The following MARCHF3 variants were observed in gnomAD, a reference collection of about 807,000 sequenced individuals.
The protein encoded by MARCHF3 is membrane associated ring-CH-type finger 3.
A neutral mutation model predicts 24.2 loss-of-function variants in MARCHF3; 13 were observed. That is an observed-to-expected ratio of 0.54 (90% CI 0.35 to 0.85). MARCHF3 has a LOEUF of 0.85. Among genes scored for constraint, MARCHF3 ranks in the 40% least tolerant of loss-of-function variants. The pLI is 0.01. For missense variants in MARCHF3, 276 were observed against 325.0 expected (o/e 0.85, Z 1.16); for synonymous variants, 144 against 137.3 (o/e 1.05, Z -0.34).
Position 127,030,377 on chromosome 5 carries a change from C to T in MARCHF3, c.-84G>A, listed in dbSNP as rs1035150112. Reference sequence around the variant, plus strand: ...TCCTCGCCGAGTCCCGATAGCAAACCGACGTCCCTGCTGCGGTTCTAAGTG... The same window carrying T: ...TCCTCGCCGAGTCCCGATAGCAAACTGACGTCCCTGCTGCGGTTCTAAGTG... On this transcript the variant is annotated 5_prime_UTR_variant, in exon 1 of 5. Coordinates refer to ENST00000308660, the MANE Select transcript of MARCHF3 (RefSeq NM_178450.5). 3 of 152,240 alleles carry T rather than the reference C, an allele frequency of 2.0e-5. No homozygotes were observed. The highest frequency in any genetic ancestry group is 4.4e-5 in the Non-Finnish European group (3 of 68,072). 9.4% of individuals were successfully genotyped at this position (152,240 alleles called of 1,614,324 possible). A position where few individuals can be genotyped will look rare whatever the true frequency, so the allele number is the denominator to read the frequency against.
chr5:127,010,651 C>T (rs934385527), intron 1 of MARCHF3, among the ~76,000 whole-genome samples: 11 of 152,194 alleles, frequency 7.2e-5, no homozygotes, highest in African/African-American at 2.4e-4. Context: ...AAAATCTATG[C>T]TCTGTATTTA....
At position 126,870,083 on chromosome 5, in the gene MARCHF3, C is replaced by G. The variant is rs1225594005; in HGVS notation, c.*550G>C. On this transcript the variant is annotated 3_prime_UTR_variant, in exon 5 of 5. Coordinates refer to ENST00000308660, the MANE Select transcript of MARCHF3 (RefSeq NM_178450.5). ...TCTTCAAATATGACTTGTTCTGCAT[C>G]TGTTATGCTGTCTCCTTGAGTAATG... The G allele has an allele frequency of 1.3e-5, 2 of 152,502 alleles. No individual in the cohort carries two copies. Among genetic ancestry groups the G allele is most frequent in the Non-Finnish European group, 2.9e-5 (2 of 68,030 alleles). 9.4% of individuals were successfully genotyped at this position (152,502 alleles called of 1,614,324 possible).
intron 1 of MARCHF3, among the ~76,000 whole-genome samples, chr5:126,968,600 G>A (rs770009474): frequency 6.6e-6 from 1 of 152,186 alleles, no homozygotes; most frequent in Non-Finnish European, 1.5e-5. Context: ...TTTTGAGGCA[G>A]AGTCTCGCTC....
intron 1 of MARCHF3, among the ~76,000 whole-genome samples, chr5:126,962,441 T>C (rs537909113): frequency 1.3e-5 from 2 of 152,074 alleles, no homozygotes; most frequent in African/African-American, 4.8e-5. Context: ...TGTGTGTGTT[T>C]ACATATATTT....
At chr5:126,880,457 C>T (rs1753307376) in intron 3 of MARCHF3, among the ~76,000 whole-genome samples, 1 of 152,166 alleles carries the variant, frequency 6.6e-6, no homozygotes, top group African/African-American at 2.4e-5. Flanking sequence ...TGTCATGCCA[C>T]CTCAGACATC....
intron 1 of MARCHF3, among the ~76,000 whole-genome samples, chr5:126,982,299 T>C (rs2126836800): frequency 6.6e-6 from 1 of 152,286 alleles, no homozygotes; most frequent in Middle Eastern, 3.4e-3. Context: ...GCTCCCATCT[T>C]CCCTATACCA....
At position 126,945,858 on chromosome 5, in the gene MARCHF3, T is replaced by C. The variant is rs569319615; in HGVS notation, c.-56-27631A>G. Reference sequence around the variant, plus strand: ...GATGGTTGTGAAGCTATAACTGAAGTGCTTAGCACAATGTTTGGCTCATCA... The same window carrying C: ...GATGGTTGTGAAGCTATAACTGAAGCGCTTAGCACAATGTTTGGCTCATCA... On this transcript the variant is annotated intron_variant, in intron 1 of 4. Transcript: ENST00000308660. Among the ~76,000 whole-genome samples the C allele has an allele frequency of 3.3e-5, 5 of 152,308 alleles. No homozygotes were observed. In the East Asian group the frequency reaches 9.6e-4, roughly 29 times the overall value.
rs1468833125 is a variant in MARCHF3 at position 126,888,325 on chromosome 5, C to T, written c.394-9931G>A. On this transcript the variant is annotated intron_variant, in intron 3 of 4. Coordinates refer to ENST00000308660, the MANE Select transcript of MARCHF3 (RefSeq NM_178450.5). ...GGACTTAGGCCAATAAGCCAATTAA[C>T]GGGCTATAATGCTCCATAAATACTA... Among the ~76,000 whole-genome samples the T allele has an allele frequency of 5.3e-5, 8 of 152,146 alleles. No individual in the cohort carries two copies. The South Asian group carries it at 8.3e-4, about 16-fold the overall frequency.
At chr5:126,968,922 A>T (rs1013540462) in intron 1 of MARCHF3, among the ~76,000 whole-genome samples, 3 of 152,154 alleles carry the variant, frequency 2.0e-5, no homozygotes, top group Non-Finnish European at 2.9e-5. Flanking sequence ...TTTTCAGATA[A>T]GTGATATGCA....
intron 1 of MARCHF3, among the ~76,000 whole-genome samples, chr5:127,023,181 G>A (rs533984367): frequency 1.2e-4 from 18 of 152,124 alleles, no homozygotes; most frequent in Non-Finnish European, 2.4e-4. Flanking sequence ...CAGTATACAC[G>A]AGGGACTGGT....
At chr5:127,009,321 G>GA (rs1183771571) in intron 1 of MARCHF3, among the ~76,000 whole-genome samples, 1 of 152,064 alleles carries the variant, frequency 6.6e-6, no homozygotes, top group African/African-American at 2.4e-5. Flanking sequence ...TATTTCTTCA[G>GA]AAAAAAGATT....
At chr5:126,955,183 G>C (rs1004511923) in intron 1 of MARCHF3, among the ~76,000 whole-genome samples, 1 of 152,162 alleles carries the variant, frequency 6.6e-6, no homozygotes, top group Non-Finnish European at 1.5e-5. Flanking sequence ...AATGTTCCAA[G>C]AAATGTTCCG....
chr5:126,924,245 T>C (rs1335102784), intron 1 of MARCHF3, among the ~76,000 whole-genome samples: 1 of 152,222 alleles, frequency 6.6e-6, no homozygotes, highest in Non-Finnish European at 1.5e-5. Context: ...GCGTCATTAA[T>C]GCTGGTCCAG....
chr5:126,910,111 T>A (rs1159831628), intron 3 of MARCHF3, among the ~76,000 whole-genome samples: 2 of 152,202 alleles, frequency 1.3e-5, no homozygotes, highest in Non-Finnish European at 1.5e-5. Flanking sequence ...TGTGGCTCCC[T>A]GATTAGAGGA....
chr5:127,008,219 C>T (rs577220035), intron 1 of MARCHF3, among the ~76,000 whole-genome samples: 4 of 152,252 alleles, frequency 2.6e-5, no homozygotes, highest in East Asian at 3.9e-4. Context: ...TCTCTAGTGA[C>T]GTTTCCAACT....
At chr5:126,879,083 T>C (rs1213294520) in intron 3 of MARCHF3, among the ~76,000 whole-genome samples, 1 of 152,190 alleles carries the variant, frequency 6.6e-6, no homozygotes, top group African/African-American at 2.4e-5. Flanking sequence ...AAATCCTGAA[T>C]ACTAAAGCTC....
At chr5:126,889,853 T>C (rs1015290065) in intron 3 of MARCHF3, among the ~76,000 whole-genome samples, 7 of 152,180 alleles carry the variant, frequency 4.6e-5, no homozygotes, top group Non-Finnish European at 8.8e-5. Context: ...AACTCTGTCT[T>C]TGAATTTCAA....
chr5:126,918,453 C>T (rs1043499202), intron 1 of MARCHF3, among the ~76,000 whole-genome samples: 3 of 152,146 alleles, frequency 2.0e-5, no homozygotes, highest in East Asian at 1.9e-4. Context: ...CAAGCATGTC[C>T]GTGTATATAA....
intron 1 of MARCHF3, among the ~76,000 whole-genome samples, chr5:126,996,000 G>C (rs1751938014): frequency 1.3e-5 from 2 of 152,246 alleles, no homozygotes; most frequent in African/African-American, 4.8e-5. Flanking sequence ...TAAGAGGTGA[G>C]ACTCCAGACA....
Sources: allele counts gnomAD v4.1 joint callset (sites outside exome capture counted in the v4.1 genomes callset), GRCh38; gene constraint gnomAD v4.1.1; transcripts MANE v1.5; gene names NCBI Gene and HGNC (gene_info 2026-07-23, HGNC 2026-07-21).